Variants in TUSC3 observed in about 807,000 individuals in gnomAD.
TUSC3 encodes dolichyl-diphosphooligosaccharide--protein glycosyltransferase subunit TUSC3.
Under a neutral mutation model 44.8 loss-of-function variants are expected in TUSC3, and 45 were observed. The ratio of observed to expected loss-of-function variants is 1.00; its 90% CI spans 0.79 to 1.29. The LOEUF (loss-of-function observed/expected upper bound fraction) is 1.29. Ranked by LOEUF, TUSC3 falls within the 50% of genes most tolerant of loss-of-function variation. TUSC3 has a pLI of 0.00. For missense variants in TUSC3, 519 were observed against 437.9 expected (o/e 1.19, Z -1.65); for synonymous variants, 212 against 152.9 (o/e 1.39, Z -2.85).
At chr8:15,461,215 A>G (rs527654046) in intron 1 of TUSC3, among the ~76,000 whole-genome samples, 10 of 151,942 alleles carry the variant, frequency 6.6e-5, no homozygotes, top group African/African-American at 1.9e-4. Flanking sequence ...ATTGTTTTGT[A>G]GTTTTTCTTG....
intron 6 of TUSC3, among the ~76,000 whole-genome samples, chr8:15,690,474 T>A (rs1808851629): frequency 6.6e-6 from 1 of 152,218 alleles, no homozygotes; most frequent in Non-Finnish European, 1.5e-5. Flanking sequence ...GTTGATAACT[T>A]CTTCTGGTGT....
In TUSC3 at chr8:15,493,649, C is replaced by G. The variant is rs561862068; in HGVS notation, n.189+10166C>G. Among the ~76,000 whole-genome samples, 3 of 152,192 alleles carry G rather than the reference C, an allele frequency of 2.0e-5. No homozygotes were observed. In the South Asian group the frequency reaches 6.2e-4, roughly 32 times the overall value. ...TACTAGGGAGGTGCAATGAAATTAA[C>G]AAATAAACATAAAACATAGTTGCTG... On this transcript the variant is annotated intron_variant and non_coding_transcript_variant, in intron 2 of 5. Coordinates refer to the TUSC3 transcript ENST00000503191.
chr8:15,651,368 A>G (rs147746121), intron 3 of TUSC3, among the ~76,000 whole-genome samples: 12 of 152,304 alleles, frequency 7.9e-5, no homozygotes, highest in African/African-American at 2.9e-4. Flanking sequence ...AGAGGATTAA[A>G]TATTTATTGA....
intron 2 of TUSC3, among the ~76,000 whole-genome samples, chr8:15,626,641 G>C (rs1805523302): frequency 6.6e-6 from 1 of 152,162 alleles, no homozygotes; most frequent in Non-Finnish European, 1.5e-5. Context: ...TGCAGGCTTG[G>C]AGATGTCTGC....
the TUSC3 span, among the ~76,000 whole-genome samples, chr8:15,798,649 T>TG: frequency 0.24 from 35,047 of 147,134 alleles, 4,236 homozygotes; most frequent in African/African-American, 0.33. Flanking sequence ...CCTGGGTGTG[T>TG]GGGGGGGGTC....
At chr8:15,842,100 T>C in the TUSC3 span, among the ~76,000 whole-genome samples, 2 of 152,154 alleles carry the variant, frequency 1.3e-5, no homozygotes, top group Non-Finnish European at 2.9e-5. Context: ...AAATAATCAG[T>C]CAACACATGT....
intron 1 of TUSC3, among the ~76,000 whole-genome samples, chr8:15,563,685 C>CAAAAAAAAAAAAAAAAAAAAAAAAA (rs150368776): frequency 7.5e-5 from 6 of 79,962 alleles, no homozygotes; most frequent in East Asian, 3.7e-4. Context: ...GCCTCCATCT[C>CAAAAAAAAAAAAAAAAAAAAAAAAA]AAAAAAAAAA....
chr8:15,462,490 A>T (rs185123915), intron 1 of TUSC3, among the ~76,000 whole-genome samples: 193 of 152,192 alleles, frequency 1.3e-3, no homozygotes, highest in African/African-American at 4.4e-3. Context: ...TGCAGACTAG[A>T]TCATAGCCTC....
chr8:15,835,242 T>G, the TUSC3 span, among the ~76,000 whole-genome samples: 1 of 152,240 alleles, frequency 6.6e-6, no homozygotes, highest in African/African-American at 2.4e-5. Context: ...TACGTAGAGT[T>G]GAAAAAGTCA....
the TUSC3 span, among the ~76,000 whole-genome samples, chr8:15,773,192 A>G: frequency 6.6e-6 from 1 of 152,174 alleles, no homozygotes; most frequent in Non-Finnish European, 1.5e-5. Flanking sequence ...CATAATGCTT[A>G]CTTCCTTTCA....
At chr8:15,419,490 T>A (rs1009924261) in intron 1 of TUSC3, among the ~76,000 whole-genome samples, 1 of 152,200 alleles carries the variant, frequency 6.6e-6, no homozygotes, top group Non-Finnish European at 1.5e-5. Context: ...TAGCAAACAT[T>A]TGTGGAACAC....
At chr8:15,771,381 G>C (rs188039286), downstream of TUSC3, among the ~76,000 whole-genome samples, 16 of 152,186 alleles carry the variant, frequency 1.1e-4, no homozygotes, top group Admixed American at 1.0e-3. Context: ...ATAGCCAAAG[G>C]ATTATTGAAA....
At chr8:15,585,336 C>T (rs907892053) in intron 1 of TUSC3, among the ~76,000 whole-genome samples, 1 of 152,122 alleles carries the variant, frequency 6.6e-6, no homozygotes, top group South Asian at 2.1e-4. Context: ...ACCAATGCAC[C>T]ACAATGTAGC....
intron 2 of TUSC3, among the ~76,000 whole-genome samples, chr8:15,645,368 C>G (rs1011032293): frequency 6.6e-6 from 1 of 152,060 alleles, no homozygotes; most frequent in African/African-American, 2.4e-5. Context: ...TTACTTTTCT[C>G]TCCCTGTCCT....
At chr8:15,663,389 AGTTT>A (rs1019353447) in intron 5 of TUSC3, among the ~76,000 whole-genome samples, 2 of 151,784 alleles carry the variant, frequency 1.3e-5, no homozygotes, top group African/African-American at 4.8e-5. Context: ...GCTAATTGTC[AGTTT>A]GTTTCTTTTG....
chr8:15,784,531 CAT>C, the TUSC3 span, among the ~76,000 whole-genome samples: 1 of 150,724 alleles, frequency 6.6e-6, no homozygotes, highest in Non-Finnish European at 1.5e-5. Context: ...TATATATATA[CAT>C]ATGTGTGTGT....
intron 5 of TUSC3, among the ~76,000 whole-genome samples, chr8:15,667,568 A>G (rs1367642217): frequency 6.6e-6 from 1 of 151,758 alleles, no homozygotes; most frequent in Non-Finnish European, 1.5e-5. Context: ...TGTATAGAAT[A>G]TTACATATTT....
intron 1 of TUSC3, among the ~76,000 whole-genome samples, chr8:15,470,541 T>G (rs150738296): frequency 6.6e-5 from 10 of 152,302 alleles, no homozygotes; most frequent in African/African-American, 2.4e-4. Context: ...TTTGAGTATG[T>G]GTCGGGACAG....
Position 15,532,499 on chromosome 8 carries a change from C to G in TUSC3, n.189+49016C>G, listed in dbSNP as rs572763645. Among the ~76,000 whole-genome samples, 4 of 152,184 alleles carry G rather than the reference C, an allele frequency of 2.6e-5. No individual in the cohort carries two copies. In the South Asian group the frequency reaches 6.2e-4, roughly 24 times the overall value. ...ACTATGGTCCGTGTTTTTCTGAAGA[C>G]GGTCTGGGATCCTCAATATTTAAAG... On this transcript the variant is annotated intron_variant and non_coding_transcript_variant, in intron 2 of 5. Transcript: ENST00000503191.
Sources: allele counts gnomAD v4.1 joint callset (sites outside exome capture counted in the v4.1 genomes callset), GRCh38; gene constraint gnomAD v4.1.1; transcripts MANE v1.5; gene names NCBI Gene and HGNC (gene_info 2026-07-23, HGNC 2026-07-21).